The following DOCK3 variants were observed in gnomAD, a reference collection of about 807,000 sequenced individuals.
DOCK3 encodes the protein dedicator of cytokinesis 3.
A neutral mutation model predicts 265.6 loss-of-function variants in DOCK3; 60 were observed. The ratio of observed to expected loss-of-function variants is 0.23; its 90% CI spans 0.18 to 0.28. The LOEUF is 0.28. DOCK3 is among the 10% of genes least tolerant of loss of function. The probability of loss-of-function intolerance (pLI) is 1.00; values close to 1 mark genes in which losing one functional copy is unlikely to be tolerated. For missense variants in DOCK3, 1,981 were observed against 2,594.3 expected (o/e 0.76, Z 5.14); for synonymous variants, 881 against 938.0 (o/e 0.94, Z 1.11).
intron 2 of DOCK3, chr3:50,786,915 T>G: frequency 1.4e-6 from 1 of 737,544 alleles, no homozygotes; most frequent in Non-Finnish European, 2.6e-6. Context: ...AGTGACATAC[T>G]GCATTTGAAT....
At chr3:51,045,988 G>A (rs2080762200) in intron 5 of DOCK3, among the ~76,000 whole-genome samples, 1 of 152,070 alleles carries the variant, frequency 6.6e-6, no homozygotes, top group Non-Finnish European at 1.5e-5. Context: ...CAGCACTGTA[G>A]TTTTAGTATG....
chr3:50,735,964 A>G (rs1042048217), intron 1 of DOCK3, among the ~76,000 whole-genome samples: 1 of 152,092 alleles, frequency 6.6e-6, no homozygotes, highest in Non-Finnish European at 1.5e-5. Flanking sequence ...GGTTTGTTAC[A>G]TATGTATACA....
chr3:51,248,868 G>A (rs1282651349), intron 22 of DOCK3, among the ~76,000 whole-genome samples: 9 of 147,884 alleles, frequency 6.1e-5, no homozygotes, highest in South Asian at 4.3e-4. Context: ...TGTGAGGAGC[G>A]CCTCTGCCCG....
At chr3:51,130,568 A>G (rs1268961907) in intron 9 of DOCK3, among the ~76,000 whole-genome samples, 2 of 152,222 alleles carry the variant, frequency 1.3e-5, no homozygotes, top group Non-Finnish European at 2.9e-5. Context: ...TTCAAGATCC[A>G]TCTGTCTTCT....
intron 2 of DOCK3, among the ~76,000 whole-genome samples, chr3:50,779,108 G>C (rs1019815166): frequency 2.6e-5 from 4 of 152,096 alleles, no homozygotes; most frequent in African/African-American, 9.6e-5. Flanking sequence ...GTGTTGCAAA[G>C]GTTCCAATTG....
chr3:51,234,281 G>A (rs1463818907), intron 19 of DOCK3, among the ~76,000 whole-genome samples: 1 of 152,108 alleles, frequency 6.6e-6, no homozygotes, highest in Non-Finnish European at 1.5e-5. Context: ...TTGGCCATTT[G>A]TGTATCTTCT....
intron 5 of DOCK3, among the ~76,000 whole-genome samples, chr3:51,043,574 AAATTGACAAATGGGATCT>A (rs1352018017): frequency 1.9e-4 from 29 of 152,188 alleles, no homozygotes; most frequent in African/African-American, 6.3e-4. Context: ...ACAAAAGCAA[AAATTGACAAATGGGATCT>A]AATTAAACTA....
At chr3:51,309,435 C>T (rs1271312145) in intron 27 of DOCK3, among the ~76,000 whole-genome samples, 1 of 152,054 alleles carries the variant, frequency 6.6e-6, no homozygotes, top group African/African-American at 2.4e-5. Flanking sequence ...AATACGAAAA[C>T]CAGTCAGGCG....
intron 37 of DOCK3, 116 bp downstream of exon 37, chr3:51,339,144 G>A (rs2085071257): frequency 1.2e-6 from 1 of 856,248 alleles, no homozygotes. Flanking sequence ...AGAATGTTGG[G>A]GCTTGTGCTA....
At chr3:51,219,796 G>C (rs961618643) in intron 14 of DOCK3, among the ~76,000 whole-genome samples, 2 of 152,188 alleles carry the variant, frequency 1.3e-5, no homozygotes, top group African/African-American at 4.8e-5. Context: ...CATAGCGCTG[G>C]TCAATCTGAG....
intron 7 of DOCK3, among the ~76,000 whole-genome samples, chr3:51,078,907 A>G (rs1297147782): frequency 2.0e-5 from 3 of 152,158 alleles, no homozygotes; most frequent in African/African-American, 7.2e-5. Flanking sequence ...TTTCTGCTAA[A>G]TTTCCTGTCT....
intron 4 of DOCK3, among the ~76,000 whole-genome samples, chr3:50,902,519 G>A (rs565837046): frequency 1.3e-5 from 2 of 152,204 alleles, no homozygotes; most frequent in Admixed American, 6.5e-5. Context: ...TGAATTCTCT[G>A]TTCTGTTCCA....
In DOCK3 at chr3:50,901,131, C is replaced by A. The variant is rs189907635; in HGVS notation, c.218+11050C>A. ...GGGAGATGGGAGTTTGATGTATAAG[C>A]CCCTGAATGGGGCTGCTGCCTTTCT... On this transcript the variant is annotated intron_variant, in intron 4 of 52. Coordinates refer to ENST00000266037, the MANE Select transcript of DOCK3 (RefSeq NM_004947.5). Among the ~76,000 whole-genome samples, 3 of 152,280 alleles carry A rather than the reference C, an allele frequency of 2.0e-5. No homozygotes were observed. In the East Asian group the frequency reaches 5.8e-4, roughly 29 times the overall value.
intron 5 of DOCK3, among the ~76,000 whole-genome samples, chr3:50,972,260 C>T (rs888106393): frequency 1.3e-5 from 2 of 152,206 alleles, no homozygotes; most frequent in African/African-American, 4.8e-5. Context: ...GCCCCCTAAT[C>T]GCCCTAGAAT....
rs753493371 is a variant in DOCK3 at position 51,089,225 on chromosome 3, C to A, written c.550-18C>A. The A allele has an allele frequency of 6.3e-7, 1 of 1,597,120 alleles. No homozygotes were observed. The highest frequency in any genetic ancestry group is 1.1e-5 in the South Asian group (1 of 88,024). Reference sequence around the variant, plus strand: ...TTCTTTCCCGGTAGAGTTTATTTTTCTTTCCTTCTTTCCATAGCATTTATC... The same window carrying A: ...TTCTTTCCCGGTAGAGTTTATTTTTATTTCCTTCTTTCCATAGCATTTATC... On this transcript the variant is annotated intron_variant, in intron 7 of 52. Coordinates refer to ENST00000266037, the MANE Select transcript of DOCK3 (RefSeq NM_004947.5).
At chr3:51,012,672 A>G (rs1253007810) in intron 5 of DOCK3, among the ~76,000 whole-genome samples, 2 of 151,990 alleles carry the variant, frequency 1.3e-5, no homozygotes, top group Non-Finnish European at 2.9e-5. Flanking sequence ...ACTGTCCGAT[A>G]AGCCCCAATG....
At chr3:50,873,604 C>G (rs2047540933) in intron 3 of DOCK3, among the ~76,000 whole-genome samples, 1 of 152,174 alleles carries the variant, frequency 6.6e-6, no homozygotes, top group African/African-American at 2.4e-5. Flanking sequence ...GCCTGGTTCA[C>G]CACTGGGACT....
Position 51,375,791 on chromosome 3 carries a change from C to A in DOCK3, c.5456C>A (p.Ala1819Asp). The part of the protein sequence containing the change: ...QRALFQQVVG[A>D]CKPCSDPNLS... ...GCCCTGTTCCAGCAAGTGGTCGGAG[C>A]CTGCAAACCCTGCAGTGATCCCAAT... The change falls in exon 51 of 53, where the codon GCC becomes GAC. Residue 1819 changes from alanine to aspartate, a missense_variant. Ala to Asp is a moderately radical substitution (Grantham distance 126). Transcript: ENST00000266037. 1 of 1,613,974 alleles carries A rather than the reference C, an allele frequency of 6.2e-7. No individual in the cohort carries two copies. The highest frequency in any genetic ancestry group is 1.1e-5 in the South Asian group (1 of 91,076).
intron 1 of DOCK3, among the ~76,000 whole-genome samples, chr3:50,766,297 G>A (rs888757429): frequency 1.4e-4 from 15 of 104,486 alleles, no homozygotes; most frequent in African/African-American, 2.0e-4. Context: ...AACAGGCCCC[G>A]GTGTGTGATG....
Sources: gnomAD v4.1 joint callset for allele counts (sites outside exome capture counted in the v4.1 genomes callset) on GRCh38, gnomAD v4.1.1 for gene constraint, MANE v1.5 for transcripts, NCBI Gene and HGNC (gene_info 2026-07-23, HGNC 2026-07-21) for gene names.